The following AK9 variants were observed in gnomAD, a reference collection of about 807,000 sequenced individuals.
AK9 encodes the protein adenylate kinase domain containing 1.
Under a neutral mutation model 239.6 loss-of-function variants are expected in AK9, and 191 were observed. That is an observed-to-expected ratio of 0.80 (90% confidence interval 0.71 to 0.90). The LOEUF (loss-of-function observed/expected upper bound fraction) is 0.90. Ranked by LOEUF, AK9 falls within the 40% of genes least tolerant of loss-of-function variation. The pLI, the probability that AK9 is intolerant of heterozygous loss-of-function variation, is 0.00. For synonymous variants in AK9, 689 were observed against 721.0 expected (o/e 0.96, Z 0.71); for missense variants, 1,995 against 2,214.7 (o/e 0.90, Z 1.99).
chr6:109,498,731 C>T (rs1777315085), intron 36 of AK9, among the ~76,000 whole-genome samples: 1 of 152,238 alleles, frequency 6.6e-6, no homozygotes, highest in African/African-American at 2.4e-5. Context: ...CCCCTGGATC[C>T]TCAGTGGGCT....
chr6:109,685,149 A>G (rs1388047566), intron 1 of AK9, among the ~76,000 whole-genome samples: 2 of 152,122 alleles, frequency 1.3e-5, no homozygotes, highest in Non-Finnish European at 1.5e-5. Flanking sequence ...AATTAGTTCA[A>G]CCATTGTGGA....
At chr6:109,528,450 G>C (rs1780788612) in intron 29 of AK9, 1 of 416,596 alleles carries the variant, frequency 2.4e-6, no homozygotes, top group Admixed American at 2.6e-5. Flanking sequence ...ATAAATGAAT[G>C]AAAATCGAGG....
rs1788965392 is a variant in AK9, at chr6:109,582,391, G to A, written c.2114+2732C>T. On this transcript the variant is annotated intron_variant, in intron 19 of 40. Transcript: ENST00000424296. The stretch of plus-strand genomic sequence containing the variant: ...AGAACATTCATGATTTGTGGGAGGA[G>A]GTCAAAATATCCACATTAACAGGAA... Among the ~76,000 whole-genome samples, 3 of 152,112 alleles carry A rather than the reference G, an allele frequency of 2.0e-5. No individual in the cohort carries two copies. The South Asian group carries it at 6.2e-4, about 31-fold the overall frequency.
At chr6:109,511,501 A>G (rs1778745160) in intron 32 of AK9, among the ~76,000 whole-genome samples, 1 of 152,330 alleles carries the variant, frequency 6.6e-6, no homozygotes, top group Admixed American at 6.5e-5. Context: ...AGATGTTGCC[A>G]CTGGCTGAAA....
chr6:109,623,318 G>A (rs1449610978), intron 12 of AK9, among the ~76,000 whole-genome samples: 2 of 152,138 alleles, frequency 1.3e-5, no homozygotes, highest in Non-Finnish European at 1.5e-5. Flanking sequence ...TTTAAATAGA[G>A]TACGATGCAA....
intron 8 of AK9, among the ~76,000 whole-genome samples, chr6:109,645,225 C>T (rs918335413): frequency 1.8e-4 from 28 of 152,250 alleles, no homozygotes; most frequent in African/African-American, 6.3e-4. Context: ...GGGTGCAGCC[C>T]ATGGAGGGCG....
At chr6:109,643,175 A>C (rs887861567) in intron 9 of AK9, among the ~76,000 whole-genome samples, 1 of 152,196 alleles carries the variant, frequency 6.6e-6, no homozygotes, top group Non-Finnish European at 1.5e-5. Context: ...CTTCTATTAT[A>C]GATTGAATTA....
intron 17 of AK9, among the ~76,000 whole-genome samples, chr6:109,595,868 G>A (rs1790957615): frequency 6.6e-6 from 1 of 152,132 alleles, no homozygotes; most frequent in Non-Finnish European, 1.5e-5. Flanking sequence ...GGGGACTACG[G>A]GAAGGATAGC....
intron 3 of AK9, 67 bp from the exon 4 acceptor site, chr6:109,672,234 T>G: frequency 7.6e-7 from 1 of 1,319,054 alleles, no homozygotes; most frequent in Non-Finnish European, 1.1e-6. Flanking sequence ...AAACACATTC[T>G]AGTGTCTTGT....
Position 109,650,919 on chromosome 6 carries a change from A to G in AK9, c.759+5837T>C, listed in dbSNP as rs530604333. 5.0e-3 allele frequency among the ~76,000 whole-genome samples: 761 copies of G among 152,324 alleles called. 8 individuals are homozygous for G. The highest frequency in any genetic ancestry group is 0.037 in the Middle Eastern group (11 of 294). On this transcript the variant is annotated intron_variant, in intron 8 of 40. Coordinates refer to ENST00000424296, the MANE Select transcript of AK9 (RefSeq NM_001145128.3). ...CGCAGCCATAAAAAATGATGAGTTC[A>G]TGTCCTTTGTAGGGACATGGATGAA...
chr6:109,615,258 C>CTTT lies in AK9; in HGVS notation c.1400-781_1400-779dup, dbSNP rs5879032. Among the ~76,000 whole-genome samples, 354 of 139,280 alleles carry CTTT rather than the reference C, an allele frequency of 2.5e-3. 1 individual carries two copies. The highest frequency in any genetic ancestry group is 8.9e-3 in the African/African-American group (336 of 37,754). 91.4% of individuals were successfully genotyped at this position (139,280 alleles called of 152,430 possible). A position where few individuals can be genotyped will look rare whatever the true frequency, so the allele number is the denominator to read the frequency against. ...ATTTTTTTTCCATCTGTTCCCTTGG[C>CTTT]TTTTTTTTTTTTTTGCCTTCTGCCT... On this transcript the variant is annotated intron_variant, in intron 13 of 40. Coordinates refer to ENST00000424296, the MANE Select transcript of AK9 (RefSeq NM_001145128.3).
intron 12 of AK9, 70 bp downstream of exon 12, chr6:109,632,851 TGA>T (rs879795809): frequency 0.018 from 24,909 of 1,405,072 alleles, 330 homozygotes; most frequent in Non-Finnish European, 0.019. Context: ...TATAGATACA[TGA>T]CAGATAGACA....
intron 17 of AK9, among the ~76,000 whole-genome samples, chr6:109,596,725 T>C (rs572166798): frequency 2.0e-5 from 3 of 152,184 alleles, no homozygotes; most frequent in Admixed American, 6.5e-5. Flanking sequence ...TTATACCACA[T>C]CTTCTTTATC....
chr6:109,571,792 T>G (rs1787439956), intron 21 of AK9, among the ~76,000 whole-genome samples: 1 of 152,200 alleles, frequency 6.6e-6, no homozygotes. Context: ...ATTCTAGAGT[T>G]TTTATTTTCA....
rs557721816 is a variant in AK9, at chr6:109,646,536, G to GA, written c.760-1849dup. Among the ~76,000 whole-genome samples the GA allele has an allele frequency of 5.5e-3, 837 of 151,692 alleles. 6 individuals carry two copies. The highest frequency in any genetic ancestry group is 7.1e-3 in the Non-Finnish European group (485 of 67,874). On this transcript the variant is annotated intron_variant, in intron 8 of 40. Transcript: ENST00000424296. Reference sequence around the variant, plus strand: ...TGAATGAAATGAAGCAAGAAGTTTAGAAAAAAAAGAGTAAAAAGAAATGAA... The same window carrying GA: ...TGAATGAAATGAAGCAAGAAGTTTAGAAAAAAAAAGAGTAAAAAGAAATGAA...
At chr6:109,676,034 G>A (rs1381046538) in intron 1 of AK9, among the ~76,000 whole-genome samples, 1 of 152,076 alleles carries the variant, frequency 6.6e-6, no homozygotes, top group Non-Finnish European at 1.5e-5. Flanking sequence ...ACAGATTTGT[G>A]TGTATTATAT....
At chr6:109,594,645 A>G (rs1790763486) in intron 17 of AK9, among the ~76,000 whole-genome samples, 1 of 152,202 alleles carries the variant, frequency 6.6e-6, no homozygotes, top group African/African-American at 2.4e-5. Context: ...ACAAAATGGT[A>G]CTGGTACCAA....
intron 8 of AK9, among the ~76,000 whole-genome samples, chr6:109,648,858 C>A (rs1798492074): frequency 6.6e-6 from 1 of 152,168 alleles, no homozygotes; most frequent in Non-Finnish European, 1.5e-5. Flanking sequence ...TACTGGCAAA[C>A]CGAATCCAGC....
intron 29 of AK9, among the ~76,000 whole-genome samples, chr6:109,519,041 T>C (rs1779558660): frequency 6.6e-6 from 1 of 152,190 alleles, no homozygotes; most frequent in South Asian, 2.1e-4. Flanking sequence ...TAGCTCCTAC[T>C]TATAAATGAG....
Sources: gnomAD v4.1 joint callset for allele counts (sites outside exome capture counted in the v4.1 genomes callset) on GRCh38, gnomAD v4.1.1 for gene constraint, MANE v1.5 for transcripts, NCBI Gene and HGNC (gene_info 2026-07-23, HGNC 2026-07-21) for gene names.